Variants in TRIM22 observed in about 807,000 individuals in gnomAD.
TRIM22 encodes tripartite motif containing 22.
TRIM22 carries 45 observed loss-of-function variants against 53.6 expected under a neutral mutation model. The observed-to-expected ratio is 0.84, with a 90% CI of 0.66 to 1.08. The LOEUF (loss-of-function observed/expected upper bound fraction) is 1.08, where lower values mean the gene tolerates loss of function less well. Among genes scored for constraint, TRIM22 ranks in the 50% least tolerant of loss-of-function variants. TRIM22 has a pLI of 0.00. For synonymous variants in TRIM22, 225 were observed against 216.6 expected, an observed-to-expected ratio of 1.04 and a Z score of -0.34; for missense variants, 616 against 590.9, an observed-to-expected ratio of 1.04 and a Z score of -0.44.
Position 5,710,058 on chromosome 11 carries a change from A to G in TRIM22, c.*410A>G, listed in dbSNP as rs559720271. 37 of 167,290 alleles carry G rather than the reference A, an allele frequency of 2.2e-4. No individual in the cohort carries two copies. The highest frequency in any genetic ancestry group is 4.7e-4 in the Admixed American group (8 of 17,176). 10.4% of individuals were successfully genotyped at this position (167,290 alleles called of 1,614,324 possible). A position where few individuals can be genotyped will look rare whatever the true frequency, so the allele number is the denominator to read the frequency against. On this transcript the variant is annotated 3_prime_UTR_variant, in exon 8 of 8. Transcript: ENST00000379965. Reference sequence around the variant, plus strand: ...CATACTGGCTCAGGGCCCACCGCTAATGCCTTAATGAAATCATTTTAACAT... The same window carrying G: ...CATACTGGCTCAGGGCCCACCGCTAGTGCCTTAATGAAATCATTTTAACAT...
At position 5,696,549 on chromosome 11, in the gene TRIM22, T is replaced by A. The variant is rs752022975; in HGVS notation, c.317T>A (p.Ile106Asn). ...GAGCACCATGGAAAAAAACTCCAGA[T>A]CTTCTGTAAGGAGGATGGAAAAGTC... is the stretch of plus-strand genomic sequence containing the variant. ...VCEHHGKKLQIFCKEDGKVIC... is the reference protein window; with the variant it reads ...VCEHHGKKLQNFCKEDGKVIC... The change falls in exon 2 of 8, where the codon ATC becomes AAC. Residue 106 changes from isoleucine to asparagine, a missense_variant. Physicochemically the swap from Ile to Asn is moderately radical, Grantham distance 149 (BLOSUM62 -3). Transcript: ENST00000379965. The A allele has an allele frequency of 6.2e-7, 1 of 1,614,206 alleles. No homozygotes were observed. Among genetic ancestry groups the A allele is most frequent in the South Asian group, 1.1e-5 (1 of 91,086 alleles).
At chr11:5,701,883 C>T (rs986278826) in intron 4 of TRIM22, among the ~76,000 whole-genome samples, 8 of 151,968 alleles carry the variant, frequency 5.3e-5, no homozygotes, top group African/African-American at 1.7e-4. Context: ...GTTAGAGCAA[C>T]CCCAGAAAAT....
Position 5,709,681 on chromosome 11 carries a change from T to C in TRIM22, c.*33T>C, listed in dbSNP as rs756956460. The C allele has an allele frequency of 6.4e-7, 1 of 1,563,844 alleles. No homozygotes were observed. Among genetic ancestry groups the C allele is most frequent in the Non-Finnish European group, 8.7e-7 (1 of 1,152,452 alleles). ...CATTCCTTTACCCACTTCTGCATAGTAGCCCTTGTGCTGAGACTCAGATTC... is the reference window on the plus strand; with the variant it reads ...CATTCCTTTACCCACTTCTGCATAGCAGCCCTTGTGCTGAGACTCAGATTC... On this transcript the variant is annotated 3_prime_UTR_variant, in exon 8 of 8. Coordinates refer to ENST00000379965, the MANE Select transcript of TRIM22 (RefSeq NM_006074.5).
intron 5 of TRIM22, among the ~76,000 whole-genome samples, chr11:5,707,664 T>A (rs1269578793): frequency 6.6e-6 from 1 of 151,820 alleles, no homozygotes; most frequent in Non-Finnish European, 1.5e-5. Flanking sequence ...ACAAAAAAAT[T>A]AGCTGGATGT....
intron 4 of TRIM22, among the ~76,000 whole-genome samples, chr11:5,705,541 T>G (rs1362857416): frequency 2.6e-5 from 4 of 152,178 alleles, no homozygotes. Context: ...GCAGTGAAAC[T>G]ATTTCTGAGG....
Position 5,696,207 on chromosome 11 carries a change from C to T in TRIM22, c.-26C>T, listed in dbSNP as rs1471288289. ...TGACCAAGAACTTCAAGAGTCAAGA[C>T]AGAAGGAAGCCAAGGGAGCAGTGCA... On this transcript the variant is annotated 5_prime_UTR_variant, in exon 2 of 8. Transcript: ENST00000379965. The T allele has an allele frequency of 3.2e-6, 5 of 1,576,182 alleles. No individual in the cohort carries two copies. Among genetic ancestry groups the T allele is most frequent in the Non-Finnish European group, 4.3e-6 (5 of 1,161,934 alleles).
chr11:5,698,790 G>T (rs7950219), intron 4 of TRIM22, among the ~76,000 whole-genome samples: 1 of 151,980 alleles, frequency 6.6e-6, no homozygotes, highest in Non-Finnish European at 1.5e-5. Flanking sequence ...AGCTTGGAGA[G>T]GATTCTTTGT....
chr11:5,694,489 T>A (rs1295462996), intron 1 of TRIM22, among the ~76,000 whole-genome samples: 1 of 152,196 alleles, frequency 6.6e-6, no homozygotes, highest in East Asian at 1.9e-4. Flanking sequence ...ATACCCCCAA[T>A]AGCACTGGGT....
chr11:5,691,017 G>C (rs1303408350), intron 1 of TRIM22: 2 of 152,288 alleles, frequency 1.3e-5, no homozygotes, highest in Non-Finnish European at 2.9e-5. Flanking sequence ...TCCGAGGAGA[G>C]AGGCCGCAGG....
In TRIM22 at chr11:5,697,598, G is replaced by A. The variant is rs1312249443; in HGVS notation, c.519+255G>A. ...TGAAAACGCTTCCTGTGAATCCTGTGTTCCATTTGTGTCATCAGGTTTGAG... is the reference window on the plus strand; with the variant it reads ...TGAAAACGCTTCCTGTGAATCCTGTATTCCATTTGTGTCATCAGGTTTGAG... On this transcript the variant is annotated intron_variant, in intron 3 of 7. Coordinates refer to ENST00000379965, the MANE Select transcript of TRIM22 (RefSeq NM_006074.5). The A allele has an allele frequency of 2.1e-5, 8 of 386,812 alleles. 1 individual carries two copies. In the East Asian group the frequency reaches 3.1e-4, roughly 15 times the overall value. The allele number at this position is 386,812 out of a possible 1,614,324, so 24.0% of individuals were successfully genotyped here. A position where few individuals can be genotyped will look rare whatever the true frequency, so the allele number is the denominator to read the frequency against.
chr11:5,709,480 T>G lies in TRIM22; in HGVS notation c.1329T>G (p.Ile443Met), dbSNP rs1196875284. The G allele has an allele frequency of 4.3e-6, 7 of 1,614,124 alleles. No homozygotes were observed. Among genetic ancestry groups the G allele is most frequent in the Non-Finnish European group, 5.9e-6 (7 of 1,180,052 alleles). ...TTATGGCTGTGCCTCCCTGTCGTAT[T>G]GGGGTTTTCCTAGACTATGAGGCAG... Reference protein sequence around the residue: ...TLFMAVPPCRIGVFLDYEAGI... With the variant: ...TLFMAVPPCRMGVFLDYEAGI... Residue 443 changes from isoleucine to methionine, a missense_variant, in exon 8 of 8, where the codon ATT becomes ATG. Transcript: ENST00000379965.
chr11:5,697,162 G>A (rs1393931038), intron 2 of TRIM22, 86 bp from the exon 3 acceptor site: 1 of 1,008,844 alleles, frequency 9.9e-7, no homozygotes, highest in African/African-American at 1.6e-5. Context: ...TTTCTTCTGA[G>A]AGCCATCCAA....
In TRIM22 at chr11:5,697,446, C is replaced by G. The variant is rs1853285333; in HGVS notation, c.519+103C>G. ...TTCCTCTTTGCTGTGCTAGAATTAA[C>G]AAGCATAGAAGTCATTTGATTAGGT... On this transcript the variant is annotated intron_variant, in intron 3 of 7. Coordinates refer to ENST00000379965, the MANE Select transcript of TRIM22 (RefSeq NM_006074.5). 5.0e-6 allele frequency: 4 copies of G among 793,230 alleles called. No individual in the cohort carries two copies. The Admixed American group carries it at 8.9e-5, about 18-fold the overall frequency. The allele number at this position is 793,230 out of a possible 1,614,324, so 49.1% of individuals were successfully genotyped here.
chr11:5,696,271 G>T lies in TRIM22; in HGVS notation c.39G>T (p.Val13=). 1 of 1,613,830 alleles carries T rather than the reference G, an allele frequency of 6.2e-7. No individual in the cohort carries two copies. Among genetic ancestry groups the T allele is most frequent in the Non-Finnish European group, 8.5e-7 (1 of 1,179,836 alleles). Reference sequence around the variant, plus strand: ...TAAAGGTAGACATAGAGAAGGAGGTGACCTGCCCCATCTGCCTGGAGCTCC... The same window carrying T: ...TAAAGGTAGACATAGAGAAGGAGGTTACCTGCCCCATCTGCCTGGAGCTCC... ...FSVKVDIEKE[V]TCPICLELLT... is the part of the protein sequence containing the mutation. Residue 13 remains valine, a synonymous_variant, in exon 2 of 8, where the codon GTG becomes GTT. Transcript: ENST00000379965.
At position 5,697,334 on chromosome 11, in the gene TRIM22, C is replaced by T. The variant is rs190022478; in HGVS notation, c.510C>T (p.Thr170=). The change falls in exon 3 of 8, where the codon ACC becomes ACT. Residue 170 remains threonine, a synonymous_variant. Coordinates refer to ENST00000379965, the MANE Select transcript of TRIM22 (RefSeq NM_006074.5). ...AAGATGACATCAGACAAGAGAGAAC[C>T]GCCTGGAAGGCAGGAGGAGACACCT... is the stretch of plus-strand genomic sequence containing the variant. ...KLEDDIRQER[T]AWKNYIQIER... 44 of 1,612,674 alleles carry T rather than the reference C, an allele frequency of 2.7e-5. No homozygotes were observed. The highest frequency in any genetic ancestry group is 3.3e-4 in the Middle Eastern group (2 of 5,986).
At position 5,709,928 on chromosome 11, in the gene TRIM22, G is replaced by C. The variant is rs868625924; in HGVS notation, c.*280G>C. The C allele has an allele frequency of 9.4e-5, 37 of 394,888 alleles. 3 individuals carry two copies. Among genetic ancestry groups the C allele is most frequent in the Middle Eastern group, 1.4e-3 (2 of 1,466 alleles). The allele number at this position is 394,888 out of a possible 1,614,324, so 24.5% of individuals were successfully genotyped here. A position where few individuals can be genotyped will look rare whatever the true frequency, so the allele number is the denominator to read the frequency against. ...TCTGCAAGGAAGGGCTCTGTTCCAT[G>C]CCTCTCTCCTTGGCTTGTAGAAGGC... On this transcript the variant is annotated 3_prime_UTR_variant, in exon 8 of 8. Coordinates refer to ENST00000379965, the MANE Select transcript of TRIM22 (RefSeq NM_006074.5).
intron 3 of TRIM22, chr11:5,698,023 C>T: frequency 3.2e-6 from 1 of 316,774 alleles, no homozygotes; most frequent in South Asian, 3.7e-5. Context: ...ATTTAAGATA[C>T]AGAAAGGCAA....
chr11:5,705,506 TACA>T (rs938061468), intron 4 of TRIM22, among the ~76,000 whole-genome samples: 5 of 152,172 alleles, frequency 3.3e-5, no homozygotes, highest in African/African-American at 4.8e-5. Flanking sequence ...TGTCAGATAT[TACA>T]ACAACAAAAA....
At position 5,698,529 on chromosome 11, in the gene TRIM22, C is replaced by T. The variant is rs761611933; in HGVS notation, c.734C>T (p.Ser245Leu). The change falls in exon 4 of 8, where the codon TCA (serine) becomes TTA (leucine). Residue 245 changes from serine (S) to leucine (L), a missense_variant. Coordinates refer to ENST00000379965, the MANE Select transcript of TRIM22 (RefSeq NM_006074.5). Reference protein sequence around the residue: ...SDLQRRLRGSSVEMLQDVIDV... With the variant: ...SDLQRRLRGSLVEMLQDVIDV... ...CTCCAGCGGAGGTTGAGGGGATCGTCAGTAGAGATGCTGCAGGTAAGACTT... is the reference window on the plus strand; with the variant it reads ...CTCCAGCGGAGGTTGAGGGGATCGTTAGTAGAGATGCTGCAGGTAAGACTT... The T allele has an allele frequency of 1.2e-6, 2 of 1,612,974 alleles. No individual in the cohort carries two copies. Among genetic ancestry groups the T allele is most frequent in the African/African-American group, 2.7e-5 (2 of 74,882 alleles).
Sources: gnomAD v4.1 joint callset for allele counts (sites outside exome capture counted in the v4.1 genomes callset) on GRCh38, gnomAD v4.1.1 for gene constraint, MANE v1.5 for transcripts, NCBI Gene and HGNC (gene_info 2026-07-23, HGNC 2026-07-21) for gene names.